Variants in CDKAL1 observed in about 807,000 individuals in gnomAD.
CDKAL1 encodes CDKAL1 threonylcarbamoyladenosine tRNA methylthiotransferase, also known as threonylcarbamoyladenosine tRNA methylthiotransferase.
Under a neutral mutation model 68.2 loss-of-function variants are expected in CDKAL1, and 32 were observed. That is an observed-to-expected ratio of 0.47 (90% CI 0.35 to 0.63). The LOEUF is 0.63. Ranked by LOEUF, CDKAL1 falls within the 30% of genes least tolerant of loss-of-function variation. CDKAL1 has a pLI of 0.00. For synonymous variants in CDKAL1, 234 were observed against 244.3 expected (o/e 0.96, Z 0.39); for missense variants, 606 against 696.7 (o/e 0.87, Z 1.47).
chr6:20,704,960 A>C (rs1581415152), intron 5 of CDKAL1, among the ~76,000 whole-genome samples: 1 of 152,256 alleles, frequency 6.6e-6, no homozygotes. Context: ...GAGAATAACA[A>C]TTCACATTCA....
chr6:20,788,690 A>G lies in CDKAL1; in HGVS notation c.638+7425A>G, dbSNP rs541084891. Reference sequence around the variant, plus strand: ...AATACATATTTTCTTTCAAATCTTGATGCTGCTGTATCTTCTACTCTACCG... The same window carrying G: ...AATACATATTTTCTTTCAAATCTTGGTGCTGCTGTATCTTCTACTCTACCG... On this transcript the variant is annotated intron_variant, in intron 8 of 15. Transcript: ENST00000274695. 5.9e-5 allele frequency among the ~76,000 whole-genome samples: 9 copies of G among 152,270 alleles called. No individual in the cohort carries two copies. In the South Asian group the frequency reaches 1.9e-3, roughly 32 times the overall value.
At chr6:20,555,618 C>A (rs933423728) in intron 4 of CDKAL1, among the ~76,000 whole-genome samples, 6 of 118,452 alleles carry the variant, frequency 5.1e-5, no homozygotes, top group Non-Finnish European at 8.2e-5. Flanking sequence ...TGTGCCCAGC[C>A]AGAGTTGTTT....
chr6:21,025,683 T>A (rs1036247856), intron 11 of CDKAL1, among the ~76,000 whole-genome samples: 1 of 152,154 alleles, frequency 6.6e-6, no homozygotes, highest in African/African-American at 2.4e-5. Flanking sequence ...CTCTAATTAT[T>A]CTCTTTGAAA....
At chr6:20,693,167 G>T (rs1770952511) in intron 5 of CDKAL1, among the ~76,000 whole-genome samples, 1 of 150,018 alleles carries the variant, frequency 6.7e-6, no homozygotes, top group African/African-American at 2.5e-5. Context: ...AGACAGTTGG[G>T]GCTTGCACAT....
intron 13 of CDKAL1, among the ~76,000 whole-genome samples, chr6:21,182,561 C>T (rs1777833434): frequency 6.6e-6 from 1 of 152,150 alleles, no homozygotes; most frequent in African/African-American, 2.4e-5. Flanking sequence ...TTAAACTTCA[C>T]GCTGTCCTGT....
At chr6:21,067,663 C>T (rs1284090179) in intron 12 of CDKAL1, among the ~76,000 whole-genome samples, 9 of 152,030 alleles carry the variant, frequency 5.9e-5, no homozygotes, top group Non-Finnish European at 1.0e-4. Context: ...TGACAGGGTT[C>T]TTCTTGTTTT....
At chr6:20,973,606 CT>C (rs1765698058) in intron 10 of CDKAL1, among the ~76,000 whole-genome samples, 1 of 152,098 alleles carries the variant, frequency 6.6e-6, no homozygotes, top group Admixed American at 6.5e-5. Context: ...CATGGGTCAT[CT>C]TTTGTTTGTT....
chr6:20,990,113 C>T (rs1345647852), intron 10 of CDKAL1, among the ~76,000 whole-genome samples: 1 of 151,978 alleles, frequency 6.6e-6, no homozygotes, highest in Non-Finnish European at 1.5e-5. Context: ...CGTGGTGGCA[C>T]GTGCCTGTAG....
intron 9 of CDKAL1, among the ~76,000 whole-genome samples, chr6:20,874,959 G>C (rs1467690419): frequency 6.6e-6 from 1 of 152,102 alleles, no homozygotes; most frequent in East Asian, 1.9e-4. Flanking sequence ...CAAAAAACTT[G>C]AGATATTTTG....
Position 20,583,849 on chromosome 6 carries a change from T to TA in CDKAL1, c.286+35145dup, listed in dbSNP as rs149062422. Among the ~76,000 whole-genome samples the TA allele has an allele frequency of 6.9e-3, 1,044 of 151,444 alleles. 10 individuals are homozygous for TA. Among genetic ancestry groups the TA allele is most frequent in the African/African-American group, 0.024 (992 of 41,248 alleles). ...ACTCCTCTCAACAATTTTTGCTACT[T>TA]ACAAAATTTTTGAGATTCAAGATAT... On this transcript the variant is annotated intron_variant, in intron 4 of 15. Coordinates refer to ENST00000274695, the MANE Select transcript of CDKAL1 (RefSeq NM_017774.3).
intron 9 of CDKAL1, among the ~76,000 whole-genome samples, chr6:20,890,688 T>C (rs1180079142): frequency 6.6e-6 from 1 of 152,196 alleles, no homozygotes; most frequent in Non-Finnish European, 1.5e-5. Context: ...GGGGAGATTC[T>C]GCGTCAGCGG....
chr6:20,998,594 G>A (rs1767250724), intron 10 of CDKAL1, among the ~76,000 whole-genome samples: 1 of 148,928 alleles, frequency 6.7e-6, no homozygotes, highest in South Asian at 2.1e-4. Flanking sequence ...CTGGGTGACA[G>A]AGCAAAATTC....
At chr6:20,978,263 T>C (rs941303661) in intron 10 of CDKAL1, among the ~76,000 whole-genome samples, 8 of 152,136 alleles carry the variant, frequency 5.3e-5, no homozygotes, top group African/African-American at 1.9e-4. Flanking sequence ...AACCAATGAG[T>C]AGCTCTTCAG....
At position 21,136,305 on chromosome 6, in the gene CDKAL1, C is replaced by T. The variant is rs145709468; in HGVS notation, c.1299+27842C>T. On this transcript the variant is annotated intron_variant, in intron 13 of 15. Transcript: ENST00000274695. Reference sequence around the variant, plus strand: ...CTCTCATTCATTTATTGTCACTGTACGCAAGACGTTGAAAATACAAACAGT... The same window carrying T: ...CTCTCATTCATTTATTGTCACTGTATGCAAGACGTTGAAAATACAAACAGT... Among the ~76,000 whole-genome samples the T allele has an allele frequency of 1.5e-3, 227 of 152,312 alleles. 1 individual carries two copies. Among genetic ancestry groups the T allele is most frequent in the Admixed American group, 2.9e-3 (44 of 15,298 alleles).
At chr6:20,830,809 C>G (rs74621518) in intron 8 of CDKAL1, among the ~76,000 whole-genome samples, 16 of 152,110 alleles carry the variant, frequency 1.1e-4, no homozygotes, top group Admixed American at 1.0e-3. Flanking sequence ...AGTATTAAAC[C>G]GCATTTCAGA....
chr6:21,015,963 A>AG (rs1491541482), intron 11 of CDKAL1, among the ~76,000 whole-genome samples: 1 of 151,488 alleles, frequency 6.6e-6, no homozygotes, highest in East Asian at 1.9e-4. Context: ...AAAAAAAAAA[A>AG]GAAAGAATCA....
intron 8 of CDKAL1, among the ~76,000 whole-genome samples, chr6:20,845,789 T>G (rs1778354491): frequency 6.6e-6 from 1 of 152,210 alleles, no homozygotes; most frequent in Non-Finnish European, 1.5e-5. Context: ...TTAGTCATTG[T>G]AAGCATTTTT....
At chr6:21,230,791 C>T (rs1779939691) in intron 15 of CDKAL1, 57 bp from the exon 16 acceptor site, 22 of 1,379,280 alleles carry the variant, frequency 1.6e-5, no homozygotes, top group Non-Finnish European at 2.2e-5. Flanking sequence ...ATTGATATCA[C>T]AACAGGGCTT....
At chr6:20,655,569 C>T (rs893706311) in intron 5 of CDKAL1, among the ~76,000 whole-genome samples, 1 of 152,170 alleles carries the variant, frequency 6.6e-6, no homozygotes. Context: ...GCATTAGATT[C>T]TTACAGGAGC....
Sources: allele counts gnomAD v4.1 joint callset (sites outside exome capture counted in the v4.1 genomes callset), GRCh38; gene constraint gnomAD v4.1.1; transcripts MANE v1.5; gene names NCBI Gene and HGNC (gene_info 2026-07-23, HGNC 2026-07-21).